TUBAL3: variants seen among roughly 807,000 people sequenced by gnomAD.
TUBAL3 encodes tubulin alpha chain-like 3.
Under a neutral mutation model 15.5 loss-of-function variants are expected in TUBAL3, and 16 were observed. The ratio of observed to expected loss-of-function variants is 1.04; its 90% CI spans 0.70 to 1.57. The LOEUF is 1.57. Among genes scored for constraint, TUBAL3 ranks in the 40% most tolerant of loss-of-function variants. The pLI, the probability that TUBAL3 is intolerant of heterozygous loss-of-function variation, is 0.00. For missense variants in TUBAL3, 609 were observed against 576.2 expected (o/e 1.06, Z -0.58); for synonymous variants, 238 against 224.3 (o/e 1.06, Z -0.55).
At position 5,394,208 on chromosome 10, in the gene TUBAL3, T is replaced by C. The variant is rs781968869; in HGVS notation, c.650A>G (p.Tyr217Cys). 1 of 1,614,170 alleles carries C rather than the reference T, an allele frequency of 6.2e-7. No individual in the cohort carries two copies. Among genetic ancestry groups the C allele is most frequent in the Non-Finnish European group, 8.5e-7 (1 of 1,180,032 alleles). The change falls in exon 4 of 4, where the codon TAT becomes TGT. Residue 217 changes from tyrosine (Y) to cysteine (C), a missense_variant. Tyr to Cys is a radical substitution (Grantham distance 194). Coordinates refer to ENST00000380419, the MANE Select transcript of TUBAL3 (RefSeq NM_024803.3). The surrounding 1 kb of genome is among the most constrained non-coding windows in gnomAD (Gnocchi z 4.3). ...CTFMVDNEAV[Y>C]DICHRKLGVE... ...ACCGAGTTTACGATGGCATATATCA[T>C]AGACGGCCTCGTTGTCCACCATGAA...
chr10:5,394,345 C>T lies in TUBAL3; in HGVS notation c.513G>A (p.Lys171=). 1 of 1,614,196 alleles carries T rather than the reference C, an allele frequency of 6.2e-7. No individual in the cohort carries two copies. Among genetic ancestry groups the T allele is most frequent in the South Asian group, 1.1e-5 (1 of 91,078 alleles). ...MERLTGEYSR[K]TKLEFSVYPA... is the part of the protein sequence containing the mutation. Reference sequence around the variant, plus strand: ...GGTAGACCGAGAACTCCAGCTTAGTCTTTCTGCTATATTCTCCTGTGAGCC... The same window carrying T: ...GGTAGACCGAGAACTCCAGCTTAGTTTTTCTGCTATATTCTCCTGTGAGCC... The change falls in exon 4 of 4, where the codon AAG becomes AAA. Residue 171 remains lysine, a synonymous_variant. Transcript: ENST00000380419. The surrounding 1 kb of genome is among the most constrained non-coding windows in gnomAD (Gnocchi z 4.3).
chr10:5,400,233 C>T (rs997003709), intron 2 of TUBAL3, among the ~76,000 whole-genome samples: 2 of 152,160 alleles, frequency 1.3e-5, no homozygotes, highest in Admixed American at 1.3e-4. Context: ...TTGCCAGTGC[C>T]TTCTAGCAAA....
intron 1 of TUBAL3, among the ~76,000 whole-genome samples, chr10:5,404,105 A>G (rs1311612191): frequency 6.6e-6 from 1 of 152,258 alleles, no homozygotes; most frequent in Non-Finnish European, 1.5e-5. Context: ...AATTTTTAAA[A>G]GCAAAACAAT....
chr10:5,393,427 A>C lies in TUBAL3; in HGVS notation c.*90T>G. The C allele has an allele frequency of 8.4e-7, 1 of 1,196,812 alleles. No individual in the cohort carries two copies. The highest frequency in any genetic ancestry group is 1.2e-6 in the Non-Finnish European group (1 of 860,710). The allele number at this position is 1,196,812 out of a possible 1,614,324, so 74.1% of individuals were successfully genotyped here. A position where few individuals can be genotyped will look rare whatever the true frequency, so the allele number is the denominator to read the frequency against. On this transcript the variant is annotated 3_prime_UTR_variant, in exon 4 of 4. Transcript: ENST00000380419. ...CTGATTTGAGTTCATTTTTCTGCTC[A>C]TCAGGGGAACTACCCACTAGGCATA...
In TUBAL3 at chr10:5,397,917, G is replaced by A. The variant is rs782031081; in HGVS notation, c.248-2442C>T. ...GAGCTCCTGCTCACACCTATGCCTG[G>A]CCAAGCTGAACTCCTGGTTACACTT... On this transcript the variant is annotated intron_variant, in intron 2 of 3. Coordinates refer to ENST00000380419, the MANE Select transcript of TUBAL3 (RefSeq NM_024803.3). This position sits in a 1 kb window ranked among gnomAD's most constrained non-coding sequence, Gnocchi z 4.9. Among the ~76,000 whole-genome samples the A allele has an allele frequency of 6.6e-6, 1 of 152,112 alleles. No individual in the cohort carries two copies. Among genetic ancestry groups the A allele is most frequent in the Non-Finnish European group, 1.5e-5 (1 of 68,030 alleles).
intron 2 of TUBAL3, among the ~76,000 whole-genome samples, chr10:5,400,528 G>A (rs1831833834): frequency 6.6e-6 from 1 of 152,144 alleles, no homozygotes; most frequent in African/African-American, 2.4e-5. Context: ...GCTACTCAGA[G>A]GCTGAGGCAG....
At chr10:5,403,114 T>A (rs1243660148) in intron 1 of TUBAL3, among the ~76,000 whole-genome samples, 3 of 152,232 alleles carry the variant, frequency 2.0e-5, no homozygotes, top group Non-Finnish European at 4.4e-5. Context: ...GGCTTCCATC[T>A]TGTTTATTTT....
Position 5,393,822 on chromosome 10 carries a change from G to T in TUBAL3, c.1036C>A (p.His346Asn). ...CACCAATCTACAAACTGAACAGAGT[G>T]CCTCGACTTCGTGGCTGCGATTGCT... ...NAAIAATKSR[H>N]SVQFVDWCPT... Residue 346 changes from histidine (H) to asparagine (N), a missense_variant, in exon 4 of 4, where the codon CAC becomes AAC. Coordinates refer to ENST00000380419, the MANE Select transcript of TUBAL3 (RefSeq NM_024803.3). 6.2e-7 allele frequency: 1 copy of T among 1,614,202 alleles called. No individual in the cohort carries two copies.
intron 2 of TUBAL3, among the ~76,000 whole-genome samples, chr10:5,399,555 C>T (rs1207829509): frequency 6.6e-6 from 1 of 152,220 alleles, no homozygotes; most frequent in Admixed American, 6.5e-5. Context: ...CCACCGGGTC[C>T]ATGGTGTTCC....
rs532032983 is a variant in TUBAL3 at position 5,398,431 on chromosome 10, A to C, written c.247+2413T>G. 2.6e-4 allele frequency among the ~76,000 whole-genome samples: 39 copies of C among 150,884 alleles called. No individual in the cohort carries two copies. In the South Asian group the frequency reaches 3.1e-3, roughly 12 times the overall value. ...GCAAAACTCTGTCTCAAAAAAAAAA[A>C]AAAAAAAAAAAAAAAAACTTATCCA... On this transcript the variant is annotated intron_variant, in intron 2 of 3. Transcript: ENST00000380419.
At position 5,396,832 on chromosome 10, in the gene TUBAL3, C is replaced by T. The variant is rs1269684620; in HGVS notation, c.248-1357G>A. Among the ~76,000 whole-genome samples the T allele has an allele frequency of 7.9e-5, 12 of 152,170 alleles. No individual in the cohort carries two copies. The highest frequency in any genetic ancestry group is 2.2e-4 in the African/African-American group (9 of 41,432). On this transcript the variant is annotated intron_variant, in intron 2 of 3. Transcript: ENST00000380419. The surrounding 1 kb of genome is among the most constrained non-coding windows in gnomAD (Gnocchi z 5.1). Reference sequence around the variant, plus strand: ...TTTCAGGGCTAAGTAGGCTTTGGGACGGCTGCCCTGGTTACTGTGGGATAC... The same window carrying T: ...TTTCAGGGCTAAGTAGGCTTTGGGATGGCTGCCCTGGTTACTGTGGGATAC...
rs1554814238 is a variant in TUBAL3 at position 5,397,229 on chromosome 10, TTCCG to T, written c.248-1758_248-1755del. Among the ~76,000 whole-genome samples the T allele has an allele frequency of 6.6e-6, 1 of 152,242 alleles. No individual in the cohort carries two copies. Among genetic ancestry groups the T allele is most frequent in the Non-Finnish European group, 1.5e-5 (1 of 68,050 alleles). On this transcript the variant is annotated intron_variant, in intron 2 of 3. Transcript: ENST00000380419. The surrounding 1 kb of genome is among the most constrained non-coding windows in gnomAD (Gnocchi z 4.9). ...CGATTGTTTTTCAATTCACCGTGCCTTCCGTGCGTGACCATGAATTTCTAAACTC... is the reference window on the plus strand; with the variant it reads ...CGATTGTTTTTCAATTCACCGTGCCTTGCGTGACCATGAATTTCTAAACTC...
Position 5,404,818 on chromosome 10 carries a change from C to T in TUBAL3, c.-26G>A, listed in dbSNP as rs368978479. 3 of 1,613,018 alleles carry T rather than the reference C, an allele frequency of 1.9e-6. No individual in the cohort carries two copies. The highest frequency in any genetic ancestry group is 2.2e-5 in the South Asian group (2 of 90,936). On this transcript the variant is annotated 5_prime_UTR_variant, in exon 1 of 4. Coordinates refer to ENST00000380419, the MANE Select transcript of TUBAL3 (RefSeq NM_024803.3). ...GCTGATGAGAACGTGCCCTTCCTGC[C>T]CTGTAGTAATGACTGAGGAGCCTCC...
At chr10:5,398,595 G>A (rs192946149) in intron 2 of TUBAL3, among the ~76,000 whole-genome samples, 5,581 of 150,710 alleles carry the variant, frequency 0.037, 122 homozygotes, top group South Asian at 0.073. Context: ...AGTCTCTCTC[G>A]CTCTAAAAAA....
rs143239622 is a variant in TUBAL3 at position 5,402,441 on chromosome 10, C to A, written c.4-1354G>T. ...TAGAATGAGACCCCCATGTCTTCTG[C>A]ATCATCAGGACCCTTTGGGCTGTTT... On this transcript the variant is annotated intron_variant, in intron 1 of 3. Transcript: ENST00000380419. Among the ~76,000 whole-genome samples, 4 of 152,338 alleles carry A rather than the reference C, an allele frequency of 2.6e-5. No individual in the cohort carries two copies. The East Asian group carries it at 7.7e-4, about 29-fold the overall frequency.
intron 2 of TUBAL3, among the ~76,000 whole-genome samples, chr10:5,399,950 C>T (rs1351284205): frequency 5.3e-5 from 8 of 152,188 alleles, no homozygotes; most frequent in African/African-American, 7.2e-5. Context: ...GTTTATTACA[C>T]GCCAACAAAT....
In TUBAL3 at chr10:5,395,147, A is replaced by G. The variant is rs1831743266; in HGVS notation, c.396+180T>C. Among the ~76,000 whole-genome samples the G allele has an allele frequency of 6.6e-6, 1 of 152,180 alleles. No individual in the cohort carries two copies. The highest frequency in any genetic ancestry group is 2.4e-5 in the African/African-American group (1 of 41,436). On this transcript the variant is annotated intron_variant, in intron 3 of 3. Transcript: ENST00000380419. This position sits in a 1 kb window ranked among gnomAD's most constrained non-coding sequence, Gnocchi z 4.6. ...GTATAAAAGTTTCTGTCTCCTTCCT[A>G]GTAACAAGGGGAAATCAAAGCCAAG...
At chr10:5,399,415 T>A (rs534782555) in intron 2 of TUBAL3, among the ~76,000 whole-genome samples, 1 of 152,298 alleles carries the variant, frequency 6.6e-6, no homozygotes, top group Admixed American at 6.5e-5. Flanking sequence ...CTCTGCCATA[T>A]GAGAATACAG....
At position 5,394,322 on chromosome 10, in the gene TUBAL3, T is replaced by G. The variant is rs1554813886; in HGVS notation, c.536A>C (p.Tyr179Ser). The G allele has an allele frequency of 6.2e-7, 1 of 1,614,120 alleles. No individual in the cohort carries two copies. The highest frequency in any genetic ancestry group is 1.1e-5 in the South Asian group (1 of 91,066). The change falls in exon 4 of 4, where the codon TAC becomes TCC. Residue 179 changes from tyrosine to serine, a missense_variant. Physicochemically the swap from Tyr to Ser is moderately radical, Grantham distance 144 (BLOSUM62 -2). Coordinates refer to ENST00000380419, the MANE Select transcript of TUBAL3 (RefSeq NM_024803.3). This position sits in a 1 kb window ranked among gnomAD's most constrained non-coding sequence, Gnocchi z 4.3. ...AGCAGTGGAGATCCTGGGGGCTGGGTAGACCGAGAACTCCAGCTTAGTCTT... is the reference window on the plus strand; with the variant it reads ...AGCAGTGGAGATCCTGGGGGCTGGGGAGACCGAGAACTCCAGCTTAGTCTT... Reference protein sequence around the residue: ...SRKTKLEFSVYPAPRISTAVV... With the variant: ...SRKTKLEFSVSPAPRISTAVV...
Sources: gnomAD v4.1 joint callset for allele counts (sites outside exome capture counted in the v4.1 genomes callset) on GRCh38, gnomAD v4.1.1 for gene constraint, Gnocchi (gnomAD v3.1) non-coding constraint, MANE v1.5 for transcripts, NCBI Gene and HGNC (gene_info 2026-07-23, HGNC 2026-07-21) for gene names.